The following JAK2 variants were observed in gnomAD, a reference collection of about 807,000 sequenced individuals.
JAK2 encodes the protein tyrosine-protein kinase JAK2.
A neutral mutation model predicts 139.3 loss-of-function variants in JAK2; 86 were observed. The observed-to-expected ratio is 0.62, with a 90% CI of 0.52 to 0.74. The LOEUF (loss-of-function observed/expected upper bound fraction) is 0.74. JAK2 is among the 30% of genes least tolerant of loss of function. The probability of loss-of-function intolerance (pLI) is 0.00; values close to 1 mark genes in which losing one functional copy is unlikely to be tolerated. For synonymous variants in JAK2, 490 were observed against 437.7 expected, an observed-to-expected ratio of 1.12 and a Z score of -1.49; for missense variants, 1,421 against 1,360.3, an observed-to-expected ratio of 1.04 and a Z score of -0.70.
In JAK2 at chr9:5,090,753, T is replaced by A; in HGVS notation, c.2901T>A (p.Leu967=). The change falls in exon 22 of 25, where the codon CTT becomes CTA. Residue 967 remains leucine (L), a synonymous_variant. Coordinates refer to ENST00000381652, the MANE Select transcript of JAK2 (RefSeq NM_004972.4). ...TTTATCCATAGGGTATGGAGTATCT[T>A]GGTACAAAAAGGTATATCCACAGGG... ...TSQICKGMEY[L]GTKRYIHRDL... is the part of the protein sequence containing the mutation. The A allele has an allele frequency of 6.2e-7, 1 of 1,603,252 alleles. No individual in the cohort carries two copies. Among genetic ancestry groups the A allele is most frequent in the Non-Finnish European group, 8.5e-7 (1 of 1,177,190 alleles).
At position 5,089,795 on chromosome 9, in the gene JAK2, A is replaced by G; in HGVS notation, c.2693A>G (p.Glu898Gly). Residue 898 changes from glutamate (E) to glycine (G), a missense_variant, in exon 20 of 25, where the codon GAA becomes GGA. Coordinates refer to ENST00000381652, the MANE Select transcript of JAK2 (RefSeq NM_004972.4). The stretch of plus-strand genomic sequence containing the variant: ...GAGCACCTAAGAGACTTTGAAAGGG[A>G]AATTGAAATCCTGAAATCCCTACAG... ...TEEHLRDFEREIEILKSLQHD... is the reference protein window; with the variant it reads ...TEEHLRDFERGIEILKSLQHD... The G allele has an allele frequency of 6.3e-7, 1 of 1,599,218 alleles. No homozygotes were observed. The highest frequency in any genetic ancestry group is 1.7e-5 in the Admixed American group (1 of 58,094).
chr9:5,086,182 G>T, intron 19 of JAK2: 1 of 483,284 alleles, frequency 2.1e-6, no homozygotes, highest in Non-Finnish European at 2.8e-6. Flanking sequence ...CCGGTCTCCA[G>T]CAACAGCCGC....
chr9:5,106,724 C>T (rs1374824907), intron 22 of JAK2, among the ~76,000 whole-genome samples: 3 of 152,054 alleles, frequency 2.0e-5, no homozygotes, highest in Non-Finnish European at 4.4e-5. Context: ...CAGCCATAAA[C>T]AAGGGTGAGT....
chr9:5,032,803 G>A (rs1823266714), intron 4 of JAK2, among the ~76,000 whole-genome samples: 1 of 152,256 alleles, frequency 6.6e-6, no homozygotes, highest in African/African-American at 2.4e-5. Flanking sequence ...GGAAAAAACA[G>A]AGCAGAAAAA....
chr9:5,073,899 G>A, intron 14 of JAK2, 114 bp downstream of exon 14: 1 of 675,034 alleles, frequency 1.5e-6, no homozygotes, highest in Non-Finnish European at 2.6e-6. Flanking sequence ...TAATTTAACA[G>A]GAGTTAAGTA....
intron 9 of JAK2, among the ~76,000 whole-genome samples, chr9:5,066,008 T>C (rs893598556): frequency 6.6e-6 from 1 of 152,206 alleles, no homozygotes; most frequent in African/African-American, 2.4e-5. Flanking sequence ...TTGCCTTTAT[T>C]CATGTATCCA....
chr9:5,079,193 T>A (rs1013678177), intron 16 of JAK2, among the ~76,000 whole-genome samples: 15 of 152,218 alleles, frequency 9.9e-5, no homozygotes, highest in African/African-American at 3.1e-4. Context: ...GTCTTACATC[T>A]GGTATCCTGG....
At chr9:4,994,637 A>G (rs902359668) in intron 2 of JAK2, among the ~76,000 whole-genome samples, 3 of 152,246 alleles carry the variant, frequency 2.0e-5, no homozygotes, top group African/African-American at 7.2e-5. Flanking sequence ...AGTTATAGAC[A>G]ATACGTAAAT....
chr9:5,111,667 C>G, intron 22 of JAK2: 1 of 408,610 alleles, frequency 2.4e-6, no homozygotes, highest in Non-Finnish European at 4.8e-6. Flanking sequence ...CGCCCAGCAG[C>G]GGCCCTGTGG....
At chr9:4,989,782 G>C (rs1309219927) in intron 2 of JAK2, among the ~76,000 whole-genome samples, 1 of 152,188 alleles carries the variant, frequency 6.6e-6, no homozygotes, top group Non-Finnish European at 1.5e-5. Context: ...TATGTTCAGA[G>C]AGCAGTACAT....
chr9:5,092,641 T>G (rs549258757), intron 22 of JAK2, among the ~76,000 whole-genome samples: 12 of 152,262 alleles, frequency 7.9e-5, no homozygotes, highest in African/African-American at 2.9e-4. Flanking sequence ...CCTTATACCT[T>G]CTGCATAAAG....
chr9:5,042,846 C>T (rs766165648), intron 4 of JAK2, among the ~76,000 whole-genome samples: 18 of 152,218 alleles, frequency 1.2e-4, no homozygotes, highest in Non-Finnish European at 1.9e-4. Flanking sequence ...CAAAATGCTG[C>T]ACCAAAGCTC....
At chr9:5,047,104 A>G (rs967917438) in intron 5 of JAK2, among the ~76,000 whole-genome samples, 1 of 152,166 alleles carries the variant, frequency 6.6e-6, no homozygotes, top group Non-Finnish European at 1.5e-5. Flanking sequence ...ACCACAAGCA[A>G]TTTTCTATTT....
intron 5 of JAK2, among the ~76,000 whole-genome samples, chr9:5,046,354 A>C (rs1817009484): frequency 6.6e-6 from 1 of 152,118 alleles, no homozygotes; most frequent in East Asian, 1.9e-4. Flanking sequence ...CCCATTCTCT[A>C]GGTTGCCTTT....
At chr9:5,061,969 A>G (rs1328782878) in intron 8 of JAK2, among the ~76,000 whole-genome samples, 1 of 152,164 alleles carries the variant, frequency 6.6e-6, no homozygotes, top group Non-Finnish European at 1.5e-5. Context: ...GAGGAGAGGG[A>G]AAAAGAAAGG....
rs775872666 is a variant in JAK2 at position 5,050,690 on chromosome 9, G to T, written c.473G>T (p.Arg158Leu). 3 of 1,611,276 alleles carry T rather than the reference G, an allele frequency of 1.9e-6. No homozygotes were observed. The highest frequency in any genetic ancestry group is 2.5e-6 in the Non-Finnish European group (3 of 1,179,148). Residue 158 changes from arginine to leucine, a missense_variant, in exon 6 of 25, where the codon CGG becomes CTG. Physicochemically the swap from Arg to Leu is moderately radical, Grantham distance 102 (BLOSUM62 -2). Coordinates refer to ENST00000381652, the MANE Select transcript of JAK2 (RefSeq NM_004972.4). Reference sequence around the variant, plus strand: ...CCTTCAAATTTTTGGTTTTAGTGGCGGCATGATTTTGTGCACGGATGGATA... The same window carrying T: ...CCTTCAAATTTTTGGTTTTAGTGGCTGCATGATTTTGTGCACGGATGGATA... The part of the protein sequence containing the change: ...FVMSYLFAQW[R>L]HDFVHGWIKV...
intron 12 of JAK2, among the ~76,000 whole-genome samples, chr9:5,072,108 G>C (rs1818989581): frequency 1.3e-5 from 2 of 152,168 alleles, no homozygotes; most frequent in Admixed American, 6.5e-5. Context: ...GTGGTAATAA[G>C]AGAAAGTCAG....
intron 18 of JAK2, among the ~76,000 whole-genome samples, chr9:5,081,245 T>C (rs1358865694): frequency 3.7e-5 from 5 of 136,208 alleles, no homozygotes; most frequent in African/African-American, 1.5e-4. Context: ...ATTTAGTGAG[T>C]TGTAAATTAT....
At chr9:5,045,977 T>G (rs1170486071) in intron 5 of JAK2, among the ~76,000 whole-genome samples, 3 of 152,190 alleles carry the variant, frequency 2.0e-5, no homozygotes, top group South Asian at 2.1e-4. Flanking sequence ...TTTTCTGTAG[T>G]GGCTGCACTA....
Sources: gnomAD v4.1 joint callset for allele counts (sites outside exome capture counted in the v4.1 genomes callset) on GRCh38, gnomAD v4.1.1 for gene constraint, MANE v1.5 for transcripts, NCBI Gene and HGNC (gene_info 2026-07-23, HGNC 2026-07-21) for gene names.